The following SUGCT variants were observed in gnomAD, a reference collection of about 807,000 sequenced individuals.
The protein encoded by SUGCT is succinyl-CoA:glutarate CoA-transferase.
A neutral mutation model predicts 55.0 loss-of-function variants in SUGCT; 41 were observed. The ratio of observed to expected loss-of-function variants is 0.74; its 90% CI spans 0.58 to 0.97. The LOEUF (loss-of-function observed/expected upper bound fraction) is 0.97. Among genes scored for constraint, SUGCT ranks in the 50% least tolerant of loss-of-function variants. The probability of loss-of-function intolerance (pLI) is 0.00; values close to 1 mark genes in which losing one functional copy is unlikely to be tolerated. For missense variants in SUGCT, 568 were observed against 547.8 expected (o/e 1.04, Z -0.37); for synonymous variants, 187 against 200.4 (o/e 0.93, Z 0.56).
chr7:41,013,044 GT>G, the SUGCT span, among the ~76,000 whole-genome samples: 2,860 of 144,620 alleles, frequency 0.02, 83 homozygotes, highest in African/African-American at 0.068. Context: ...ATATATATAT[GT>G]ATTTCATTAA....
intron 13 of SUGCT, among the ~76,000 whole-genome samples, chr7:40,846,028 C>T (rs575065359): frequency 2.6e-4 from 39 of 152,286 alleles, no homozygotes; most frequent in East Asian, 1.7e-3. Flanking sequence ...AAAATTGAAT[C>T]GAAACGTGAT....
intron 1 of SUGCT, among the ~76,000 whole-genome samples, chr7:40,135,364 T>C (rs1787623416): frequency 1.3e-5 from 2 of 152,230 alleles, no homozygotes; most frequent in Non-Finnish European, 2.9e-5. Flanking sequence ...GGGGTCCCGC[T>C]CCTGCGCGTC....
intron 12 of SUGCT, among the ~76,000 whole-genome samples, chr7:40,737,983 C>CG (rs2128701992): frequency 6.6e-6 from 1 of 151,404 alleles, no homozygotes; most frequent in South Asian, 2.1e-4. Flanking sequence ...GCGCAGATCA[C>CG]GAGGTCAGGA....
chr7:40,836,251 T>G (rs147047793), intron 13 of SUGCT, among the ~76,000 whole-genome samples: 1 of 152,304 alleles, frequency 6.6e-6, no homozygotes, highest in African/African-American at 2.4e-5. Flanking sequence ...AAAGCATTAA[T>G]CAGATGTAAG....
chr7:40,665,766 G>A (rs1432447366), intron 12 of SUGCT, among the ~76,000 whole-genome samples: 1 of 152,038 alleles, frequency 6.6e-6, no homozygotes, highest in Non-Finnish European at 1.5e-5. Context: ...AAGAGTCTAG[G>A]TAGGATAGGG....
At chr7:40,436,187 C>T (rs1788167728) in intron 9 of SUGCT, among the ~76,000 whole-genome samples, 1 of 152,036 alleles carries the variant, frequency 6.6e-6, no homozygotes, top group Non-Finnish European at 1.5e-5. Flanking sequence ...AGGTGATCCT[C>T]CCACCTCTGC....
chr7:40,661,088 G>T (rs777042842), intron 12 of SUGCT, among the ~76,000 whole-genome samples: 4 of 152,084 alleles, frequency 2.6e-5, no homozygotes, highest in Non-Finnish European at 4.4e-5. Context: ...GTGTGAAATG[G>T]GTGCTCCACA....
At chr7:40,165,680 T>G (rs1252090969) in intron 1 of SUGCT, among the ~76,000 whole-genome samples, 1 of 152,200 alleles carries the variant, frequency 6.6e-6, no homozygotes, top group Non-Finnish European at 1.5e-5. Flanking sequence ...ATATACTTTT[T>G]AAGTATAGCG....
rs1271725684 is a variant in SUGCT, at chr7:40,141,014, T to C, written c.100+5894T>C. ...TTCCATTTTTTTGTTTCATCTATAG[T>C]TTCTTTCATCAGTGTTTTGTAGTTT... On this transcript the variant is annotated intron_variant, in intron 1 of 13. Coordinates refer to ENST00000335693, the MANE Select transcript of SUGCT (RefSeq NM_001193313.2). Among the ~76,000 whole-genome samples the C allele has an allele frequency of 3.3e-5, 5 of 152,304 alleles. No homozygotes were observed. The East Asian group carries it at 9.6e-4, about 29-fold the overall frequency.
At chr7:40,825,891 T>C (rs905822901) in intron 13 of SUGCT, among the ~76,000 whole-genome samples, 1 of 152,220 alleles carries the variant, frequency 6.6e-6, no homozygotes, top group African/African-American at 2.4e-5. Flanking sequence ...TGCCCGTATT[T>C]ATAAAGGAAA....
intron 13 of SUGCT, among the ~76,000 whole-genome samples, chr7:40,754,605 C>G (rs902307610): frequency 1.3e-5 from 2 of 152,162 alleles, no homozygotes; most frequent in African/African-American, 4.8e-5. Context: ...CTTGGAGAAT[C>G]AGGGGCTACA....
At chr7:40,573,337 A>C (rs1018864695) in intron 12 of SUGCT, among the ~76,000 whole-genome samples, 4 of 152,188 alleles carry the variant, frequency 2.6e-5, no homozygotes, top group African/African-American at 9.7e-5. Flanking sequence ...TGTTTGAATC[A>C]AAGCCAAAGA....
At chr7:40,719,864 C>T (rs972368375) in intron 12 of SUGCT, among the ~76,000 whole-genome samples, 2 of 152,224 alleles carry the variant, frequency 1.3e-5, no homozygotes, top group Admixed American at 6.5e-5. Context: ...GGCACGATCT[C>T]GGTTCACTGC....
intron 11 of SUGCT, among the ~76,000 whole-genome samples, chr7:40,476,396 A>T (rs191281009): frequency 7.9e-5 from 12 of 152,180 alleles, no homozygotes; most frequent in Non-Finnish European, 1.8e-4. Flanking sequence ...CATTTTTTTT[A>T]AAAGATTTGG....
chr7:40,467,324 G>A (rs1453654155), intron 11 of SUGCT, among the ~76,000 whole-genome samples: 1 of 151,426 alleles, frequency 6.6e-6, no homozygotes, highest in African/African-American at 2.4e-5. Flanking sequence ...AGTACCTAGT[G>A]TACGTCTATA....
chr7:40,191,809 C>T (rs142785495), intron 5 of SUGCT, among the ~76,000 whole-genome samples: 154 of 152,092 alleles, frequency 1.0e-3, no homozygotes, highest in African/African-American at 3.6e-3. Context: ...TCTCTTCTGG[C>T]CTTAAGAGTA....
chr7:40,982,535 A>G, the SUGCT span, among the ~76,000 whole-genome samples: 3 of 152,204 alleles, frequency 2.0e-5, no homozygotes, highest in African/African-American at 7.2e-5. Context: ...TCTGGAGGCT[A>G]GGAAGTCCAA....
At chr7:40,915,304 A>C in the SUGCT span, among the ~76,000 whole-genome samples, 1 of 152,222 alleles carries the variant, frequency 6.6e-6, no homozygotes, top group African/African-American at 2.4e-5. Flanking sequence ...AGAAATTCTC[A>C]GGCTGGAATC....
At chr7:40,397,744 A>G (rs2151314983) in intron 9 of SUGCT, among the ~76,000 whole-genome samples, 1 of 152,324 alleles carries the variant, frequency 6.6e-6, no homozygotes, top group African/African-American at 2.4e-5. Context: ...AATGAGGAGG[A>G]GAAAGAGCTT....
Sources: allele counts gnomAD v4.1 joint callset (sites outside exome capture counted in the v4.1 genomes callset), GRCh38; gene constraint gnomAD v4.1.1; transcripts MANE v1.5; gene names NCBI Gene and HGNC (gene_info 2026-07-23, HGNC 2026-07-21).